Variants in LDB2 observed in about 807,000 individuals in gnomAD.
The protein encoded by LDB2 is LIM domain-binding protein 2.
In LDB2, 12 loss-of-function variants were observed where a neutral mutation model predicts 44.3. The ratio of observed to expected loss-of-function variants is 0.27; its 90% confidence interval spans 0.17 to 0.44. The LOEUF (loss-of-function observed/expected upper bound fraction) is 0.44. LDB2 is among the 20% of genes least tolerant of loss of function. LDB2 has a pLI of 1.00. For synonymous variants in LDB2, 164 were observed against 174.8 expected, an observed-to-expected ratio of 0.94 and a Z score of 0.49; for missense variants, 344 against 473.5, an observed-to-expected ratio of 0.73 and a Z score of 2.54.
intron 2 of LDB2, among the ~76,000 whole-genome samples, chr4:16,668,037 A>G (rs966721180): frequency 1.3e-5 from 2 of 152,216 alleles, no homozygotes; most frequent in African/African-American, 2.4e-5. Flanking sequence ...CTAGGTCAAG[A>G]CCAACATCTT....
intron 3 of LDB2, among the ~76,000 whole-genome samples, chr4:16,594,616 C>A (rs1344822264): frequency 2.0e-5 from 3 of 152,128 alleles, no homozygotes; most frequent in African/African-American, 7.2e-5. Flanking sequence ...AGCATGGGCA[C>A]TGGAGAGATG....
chr4:16,864,712 G>T (rs180718512), intron 1 of LDB2, among the ~76,000 whole-genome samples: 1 of 152,108 alleles, frequency 6.6e-6, no homozygotes, highest in Admixed American at 6.5e-5. Flanking sequence ...ATCACCTGAG[G>T]TCAGGAGTTC....
chr4:16,633,787 AAG>A (rs1402231747), intron 2 of LDB2, among the ~76,000 whole-genome samples: 1 of 152,246 alleles, frequency 6.6e-6, no homozygotes, highest in Non-Finnish European at 1.5e-5. Context: ...GGAACCAAAA[AAG>A]AGTCCACATA....
chr4:16,816,179 T>G (rs960506703), intron 1 of LDB2, among the ~76,000 whole-genome samples: 23 of 152,146 alleles, frequency 1.5e-4, no homozygotes, highest in African/African-American at 5.1e-4. Flanking sequence ...CACTCCAGCC[T>G]GGGTGACAGA....
At chr4:16,812,861 TA>T (rs1227890581) in intron 1 of LDB2, among the ~76,000 whole-genome samples, 2 of 151,964 alleles carry the variant, frequency 1.3e-5, no homozygotes, top group East Asian at 3.9e-4. Context: ...CGCTAAATAT[TA>T]TGCCAACATT....
chr4:16,763,367 T>C (rs1035679635), intron 1 of LDB2, among the ~76,000 whole-genome samples: 6 of 149,946 alleles, frequency 4.0e-5, no homozygotes, highest in Non-Finnish European at 8.9e-5. Context: ...TGGTCAATAA[T>C]TTTAAACGCA....
rs1722489033 is a variant in LDB2 at position 16,888,765 on chromosome 4, T to C, written c.132+9589A>G. On this transcript the variant is annotated intron_variant, in intron 1 of 7. Coordinates refer to ENST00000304523, the MANE Select transcript of LDB2 (RefSeq NM_001290.5). ...GTTCCCAATGATGTGGCACCTATCA[T>C]ATACCAGGCATTATACATGCATTTA... 6.3e-6 allele frequency: 6 copies of C among 955,206 alleles called. No homozygotes were observed. The Admixed American group carries it at 3.7e-4, about 59-fold the overall frequency. The allele number at this position is 955,206 out of a possible 1,614,324, so 59.2% of individuals were successfully genotyped here. A position where few individuals can be genotyped will look rare whatever the true frequency, so the allele number is the denominator to read the frequency against.
At position 16,535,855 on chromosome 4, in the gene LDB2, A is replaced by G. The variant is rs142168124; in HGVS notation, c.616-23751T>C. ...TGTAGAAAGCTTAGATGCTTTTTCT[A>G]TGGTCCCAAGTAAGAAGCAACAGAA... On this transcript the variant is annotated intron_variant, in intron 5 of 7. Transcript: ENST00000304523. Among the ~76,000 whole-genome samples the G allele has an allele frequency of 2.4e-3, 371 of 152,298 alleles. 3 individuals carry two copies. The highest frequency in any genetic ancestry group is 8.3e-3 in the African/African-American group (346 of 41,568).
chr4:16,626,580 C>T (rs1730339418), intron 2 of LDB2, among the ~76,000 whole-genome samples: 1 of 152,188 alleles, frequency 6.6e-6, no homozygotes, highest in Admixed American at 6.5e-5. Context: ...ATACAACTTG[C>T]ACTTATTTCC....
At chr4:16,873,969 C>T (rs929598114) in intron 1 of LDB2, among the ~76,000 whole-genome samples, 2 of 152,154 alleles carry the variant, frequency 1.3e-5, no homozygotes, top group African/African-American at 2.4e-5. Context: ...GGCTCGTCCA[C>T]GCTGTAGCAA....
chr4:16,614,509 C>T (rs563625103), intron 2 of LDB2, among the ~76,000 whole-genome samples: 1 of 142,676 alleles, frequency 7.0e-6, no homozygotes, highest in East Asian at 2.1e-4. Flanking sequence ...AGAAGTTTTG[C>T]AATCTATCCC....
intron 2 of LDB2, among the ~76,000 whole-genome samples, chr4:16,677,007 T>C (rs1432522994): frequency 6.6e-6 from 1 of 152,196 alleles, no homozygotes; most frequent in African/African-American, 2.4e-5. Context: ...GCCCCTCGCT[T>C]AAAAGCAGTG....
chr4:16,738,832 T>C (rs1488675710), intron 2 of LDB2, among the ~76,000 whole-genome samples: 3 of 152,218 alleles, frequency 2.0e-5, no homozygotes, highest in East Asian at 3.8e-4. Context: ...TTATCAGGGA[T>C]TGTTTACTCA....
chr4:16,678,291 A>G (rs919691496), intron 2 of LDB2, among the ~76,000 whole-genome samples: 2 of 152,240 alleles, frequency 1.3e-5, no homozygotes, highest in Non-Finnish European at 2.9e-5. Flanking sequence ...TTGTTAAACA[A>G]TTATTTTGTA....
chr4:16,659,314 C>T (rs567860052), intron 2 of LDB2, among the ~76,000 whole-genome samples: 59 of 152,240 alleles, frequency 3.9e-4, no homozygotes, highest in African/African-American at 1.4e-3. Flanking sequence ...GTGGATAAAT[C>T]CCTGGGTCGG....
intron 2 of LDB2, among the ~76,000 whole-genome samples, chr4:16,661,605 A>G (rs1741610194): frequency 6.6e-6 from 1 of 152,176 alleles, no homozygotes; most frequent in Non-Finnish European, 1.5e-5. Context: ...TGCTGTGGCT[A>G]TTAGTATGGC....
chr4:16,769,290 T>A (rs892407118), intron 1 of LDB2, among the ~76,000 whole-genome samples: 1 of 114,548 alleles, frequency 8.7e-6, no homozygotes, highest in South Asian at 3.8e-4. Flanking sequence ...GGATTCTTTT[T>A]ATTTTTTATT....
At chr4:16,819,308 C>CA (rs2109948229) in intron 1 of LDB2, among the ~76,000 whole-genome samples, 1 of 152,014 alleles carries the variant, frequency 6.6e-6, no homozygotes, top group South Asian at 2.1e-4. Flanking sequence ...TCATTTCGAA[C>CA]AAGACCCTGA....
At chr4:16,880,934 A>C (rs1719910188) in intron 1 of LDB2, among the ~76,000 whole-genome samples, 1 of 151,694 alleles carries the variant, frequency 6.6e-6, no homozygotes, top group Non-Finnish European at 1.5e-5. Flanking sequence ...CACACACACA[A>C]AGAGGAGCCA....
Sources: allele counts gnomAD v4.1 joint callset (sites outside exome capture counted in the v4.1 genomes callset), GRCh38; gene constraint gnomAD v4.1.1; transcripts MANE v1.5; gene names NCBI Gene and HGNC (gene_info 2026-07-23, HGNC 2026-07-21).